Variants in RABEP1 observed in about 807,000 individuals in gnomAD.
The protein encoded by RABEP1 is rab GTPase-binding effector protein 1.
A neutral mutation model predicts 123.4 loss-of-function variants in RABEP1; 51 were observed. That is an observed-to-expected ratio of 0.41 (90% CI 0.33 to 0.52). The LOEUF (loss-of-function observed/expected upper bound fraction) is 0.52. Ranked by LOEUF, RABEP1 falls within the 20% of genes least tolerant of loss-of-function variation. The pLI, the probability that RABEP1 is intolerant of heterozygous loss-of-function variation, is 0.16. For synonymous variants in RABEP1, 347 were observed against 355.2 expected (o/e 0.98, Z 0.26); for missense variants, 888 against 996.3 (o/e 0.89, Z 1.46).
chr17:5,339,367 G>T (rs9890996), intron 5 of RABEP1, among the ~76,000 whole-genome samples: 2,435 of 152,212 alleles, frequency 0.016, 60 homozygotes, highest in African/African-American at 0.056. Context: ...ATATTAGCCA[G>T]TTATAGTGGT....
rs779418271 is a variant in RABEP1 at position 5,365,229 on chromosome 17, G to A, written c.1776G>A (p.Ser592=). Residue 592 remains serine (S), a synonymous_variant, in exon 11 of 18, where the codon TCG becomes TCA. Coordinates refer to ENST00000537505, the MANE Select transcript of RABEP1 (RefSeq NM_004703.6). ...TCATAAAGCAAAGCAGCGAAGATTC[G>A]AGTCACCAGGTAAGGGAGGGTTTAT... The part of the protein sequence containing the change: ...EDFIKQSSED[S]SHQISALVLR... The A allele has an allele frequency of 1.9e-6, 3 of 1,604,998 alleles. No individual in the cohort carries two copies. Among genetic ancestry groups the A allele is most frequent in the Admixed American group, 1.7e-5 (1 of 57,902 alleles).
Position 5,282,419 on chromosome 17 carries a change from T to C in RABEP1, c.-68T>C. The C allele has an allele frequency of 8.1e-7, 1 of 1,237,734 alleles. No individual in the cohort carries two copies. The highest frequency in any genetic ancestry group is 1.1e-6 in the Non-Finnish European group (1 of 943,254). The allele number at this position is 1,237,734 out of a possible 1,614,324, so 76.7% of individuals were successfully genotyped here. On this transcript the variant is annotated 5_prime_UTR_variant, in exon 1 of 18. The change abolishes the stop of an existing upstream ORF in the 5' untranslated region. Coordinates refer to ENST00000537505, the MANE Select transcript of RABEP1 (RefSeq NM_004703.6). ...CTCGGTTGACGCCTCCTCCGCCAGC[T>C]GAGCCCGCGGGAGCCCAGGACGCCG... is the stretch of plus-strand genomic sequence containing the variant.
Position 5,361,617 on chromosome 17 carries a change from T to A in RABEP1, c.1505T>A (p.Val502Glu). The change falls in exon 9 of 18, where the codon GTG becomes GAG. Residue 502 changes from valine (V) to glutamate (E), a missense_variant. Physicochemically the swap from Val to Glu is moderately radical, Grantham distance 121. Coordinates refer to ENST00000537505, the MANE Select transcript of RABEP1 (RefSeq NM_004703.6). ...SVTQGMESAY[V>E]SPSGYRLVSE... is the part of the protein sequence containing the mutation. ...ACCCAGGGCATGGAGAGTGCCTATG[T>A]GTCCCCTAGTGGTTATCGTTTAGTT... 1 of 1,613,946 alleles carries A rather than the reference T, an allele frequency of 6.2e-7. No homozygotes were observed. Among genetic ancestry groups the A allele is most frequent in the Non-Finnish European group, 8.5e-7 (1 of 1,179,914 alleles).
chr17:5,329,675 G>A (rs995561654), intron 2 of RABEP1, among the ~76,000 whole-genome samples: 2 of 151,876 alleles, frequency 1.3e-5, no homozygotes, highest in Non-Finnish European at 2.9e-5. Flanking sequence ...AGCAATAAAC[G>A]AATGTTAGAA....
At chr17:5,346,245 C>A (rs1425777631) in intron 5 of RABEP1, among the ~76,000 whole-genome samples, 1 of 152,154 alleles carries the variant, frequency 6.6e-6, no homozygotes, top group African/African-American at 2.4e-5. Flanking sequence ...GCCTTTAAGT[C>A]ATTACAGTGT....
At position 5,384,436 on chromosome 17, in the gene RABEP1, A is replaced by AAAGT. The variant is rs1911771131; in HGVS notation, c.*1217_*1220dup. The AAAGT allele has an allele frequency of 4.6e-6, 1 of 215,608 alleles. No homozygotes were observed. The highest frequency in any genetic ancestry group is 7.0e-5 in the East Asian group (1 of 14,360). 13.4% of individuals were successfully genotyped at this position (215,608 alleles called of 1,614,324 possible). On this transcript the variant is annotated 3_prime_UTR_variant, in exon 18 of 18. Coordinates refer to ENST00000537505, the MANE Select transcript of RABEP1 (RefSeq NM_004703.6). ...ATGGATTCATCATCCAGGAGGTTCA[A>AAAGT]AAGTAAGATGGTTTTCAAATCATTT...
At chr17:5,333,727 A>G (rs1460586717) in intron 3 of RABEP1, among the ~76,000 whole-genome samples, 1 of 152,178 alleles carries the variant, frequency 6.6e-6, no homozygotes, top group East Asian at 1.9e-4. Context: ...TATTGGTTCC[A>G]TGATGTCAAC....
chr17:5,381,248 TAAAGAG>T, intron 16 of RABEP1, 135 bp from the exon 17 acceptor site: 1 of 1,205,082 alleles, frequency 8.3e-7, no homozygotes, highest in Middle Eastern at 2.0e-4. Context: ...GCCCTATAGA[TAAAGAG>T]ATTGGTCGTG....
intron 11 of RABEP1, among the ~76,000 whole-genome samples, chr17:5,367,410 T>G (rs1020413057): frequency 6.6e-6 from 1 of 150,538 alleles, no homozygotes; most frequent in Admixed American, 6.6e-5. Context: ...TAGCTGGGAC[T>G]ACAGGCACCC....
At chr17:5,310,232 T>C (rs1246342050) in intron 2 of RABEP1, among the ~76,000 whole-genome samples, 1 of 151,680 alleles carries the variant, frequency 6.6e-6, no homozygotes, top group Non-Finnish European at 1.5e-5. Context: ...TTAAAATTTT[T>C]TGCTTGAAAA....
intron 9 of RABEP1, 160 bp downstream of exon 9, chr17:5,361,835 C>G (rs1909573212): frequency 3.2e-6 from 2 of 629,080 alleles, no homozygotes; most frequent in South Asian, 2.0e-5. Flanking sequence ...TTGTCATAGT[C>G]TGCCTTGGGT....
chr17:5,285,570 TAATA>T (rs1173166996), intron 1 of RABEP1, among the ~76,000 whole-genome samples: 7 of 152,244 alleles, frequency 4.6e-5, no homozygotes, highest in Non-Finnish European at 1.0e-4. Flanking sequence ...CTATCTCACT[TAATA>T]AATGTTAGCT....
At chr17:5,377,603 C>T (rs1489090312) in intron 14 of RABEP1, among the ~76,000 whole-genome samples, 6 of 149,878 alleles carry the variant, frequency 4.0e-5, no homozygotes, top group African/African-American at 9.9e-5. Flanking sequence ...CTTGGCTCAC[C>T]GCAACCTCTG....
At chr17:5,299,108 G>A (rs142521265) in intron 1 of RABEP1, among the ~76,000 whole-genome samples, 99 of 152,270 alleles carry the variant, frequency 6.5e-4, no homozygotes, top group African/African-American at 2.2e-3. Flanking sequence ...GTTGTCGTGC[G>A]CACTTGTGTG....
intron 8 of RABEP1, among the ~76,000 whole-genome samples, chr17:5,358,298 A>G (rs1037371614): frequency 1.3e-5 from 2 of 152,148 alleles, no homozygotes; most frequent in Non-Finnish European, 2.9e-5. Context: ...AATGTTATAT[A>G]TAATTTTTCC....
chr17:5,342,450 C>CAGCATG (rs1407901512), intron 5 of RABEP1, among the ~76,000 whole-genome samples: 1 of 152,046 alleles, frequency 6.6e-6, no homozygotes, highest in Non-Finnish European at 1.5e-5. Context: ...CCAGCCTGGC[C>CAGCATG]AGCATGGTGA....
chr17:5,314,234 CTTTTT>C (rs71151864), intron 2 of RABEP1, among the ~76,000 whole-genome samples: 5 of 55,560 alleles, frequency 9.0e-5, no homozygotes, highest in Admixed American at 3.0e-4. Context: ...AGTACCTATT[CTTTTT>C]TTTTTTTTTT....
intron 2 of RABEP1, among the ~76,000 whole-genome samples, chr17:5,330,740 A>G (rs1429113117): frequency 6.6e-6 from 1 of 152,088 alleles, no homozygotes; most frequent in Non-Finnish European, 1.5e-5. Context: ...GCGTAAGTTA[A>G]GGCCGGGCGC....
At chr17:5,356,444 C>T (rs61635291) in intron 8 of RABEP1, 18,600 of 161,242 alleles carry the variant, frequency 0.12, 1,445 homozygotes, top group African/African-American at 0.22. Context: ...TTTCTTTAAC[C>T]TGATGCTTAT....
Sources: gnomAD v4.1 joint callset for allele counts (sites outside exome capture counted in the v4.1 genomes callset) on GRCh38, gnomAD v4.1.1 for gene constraint, MANE v1.5 for transcripts, NCBI Gene and HGNC (gene_info 2026-07-23, HGNC 2026-07-21) for gene names.